NELL1: variants seen among roughly 807,000 people sequenced by gnomAD.
NELL1 encodes protein kinase C-binding protein NELL1.
In NELL1, 76 loss-of-function variants were observed where a neutral mutation model predicts 107.4. That is an observed-to-expected ratio of 0.71 (90% confidence interval 0.59 to 0.86). NELL1 has a LOEUF of 0.86. Among genes scored for constraint, NELL1 ranks in the 40% least tolerant of loss-of-function variants. The pLI is 0.00. For synonymous variants in NELL1, 353 were observed against 341.2 expected (o/e 1.03, Z -0.38); for missense variants, 1,024 against 1,005.5 (o/e 1.02, Z -0.25).
At chr11:21,371,615 G>A (rs773282302) in intron 15 of NELL1, among the ~76,000 whole-genome samples, 2 of 152,076 alleles carry the variant, frequency 1.3e-5, no homozygotes, top group Non-Finnish European at 2.9e-5. Context: ...GCCAATGTAT[G>A]TGTCAGTGCA....
intron 12 of NELL1, among the ~76,000 whole-genome samples, chr11:21,006,685 A>G (rs1852334259): frequency 6.6e-6 from 1 of 151,982 alleles, no homozygotes; most frequent in African/African-American, 2.4e-5. Flanking sequence ...CTGAAGAGGG[A>G]TAAGACCCCC....
intron 15 of NELL1, among the ~76,000 whole-genome samples, chr11:21,390,316 C>G (rs983628939): frequency 6.6e-6 from 1 of 150,958 alleles, no homozygotes; most frequent in Non-Finnish European, 1.5e-5. Flanking sequence ...CTCCTTGCTC[C>G]TATTCTATTC....
intron 14 of NELL1, among the ~76,000 whole-genome samples, chr11:21,340,980 T>C (rs1053220606): frequency 1.3e-5 from 2 of 152,294 alleles, no homozygotes; most frequent in Admixed American, 6.5e-5. Context: ...CTTGCTGTCA[T>C]TGGATTGTGA....
chr11:21,382,949 C>A (rs116778883), intron 15 of NELL1, among the ~76,000 whole-genome samples: 1 of 151,908 alleles, frequency 6.6e-6, no homozygotes, highest in African/African-American at 2.4e-5. Flanking sequence ...GGAAGAAAAT[C>A]TAGCTTTCTG....
chr11:20,685,316 TA>T (rs1462257294), intron 2 of NELL1, among the ~76,000 whole-genome samples: 2 of 152,034 alleles, frequency 1.3e-5, no homozygotes, highest in Admixed American at 6.6e-5. Flanking sequence ...AAATCTAAAT[TA>T]AAATTAATTA....
intron 12 of NELL1, among the ~76,000 whole-genome samples, chr11:21,043,931 G>C (rs1174512038): frequency 6.6e-6 from 1 of 152,112 alleles, no homozygotes; most frequent in Non-Finnish European, 1.5e-5. Context: ...TCAGATATCT[G>C]TGAAATACAT....
chr11:21,290,708 T>A (rs11827960), intron 14 of NELL1, among the ~76,000 whole-genome samples: 4,516 of 152,294 alleles, frequency 0.03, 235 homozygotes, highest in African/African-American at 0.1. Context: ...AAACAGGGTC[T>A]GGAGTGGACC....
chr11:21,436,646 T>G lies in NELL1; in HGVS notation c.1645+65698T>G, dbSNP rs534745021. On this transcript the variant is annotated intron_variant, in intron 15 of 19. Coordinates refer to ENST00000357134, the MANE Select transcript of NELL1 (RefSeq NM_006157.5). ...GTATCTATTTAGTTTATTTCTGCTC[T>G]GATATTCATTATTTTTCCTCTACCT... 4.2e-4 allele frequency among the ~76,000 whole-genome samples: 64 copies of G among 152,266 alleles called. 1 individual carries two copies. The highest frequency in any genetic ancestry group is 3.4e-3 in the Middle Eastern group (1 of 294).
At chr11:20,686,374 T>C (rs1162993416) in intron 2 of NELL1, among the ~76,000 whole-genome samples, 1 of 152,138 alleles carries the variant, frequency 6.6e-6, no homozygotes, top group Non-Finnish European at 1.5e-5. Context: ...AAGATTTTTA[T>C]TTTCTTCTTG....
chr11:21,113,358 T>C (rs986500158), intron 12 of NELL1, among the ~76,000 whole-genome samples: 5 of 152,040 alleles, frequency 3.3e-5, no homozygotes, highest in African/African-American at 1.2e-4. Context: ...TTCATACTTC[T>C]TGGGCTCTTA....
At chr11:20,748,204 T>C (rs1856046794) in intron 2 of NELL1, among the ~76,000 whole-genome samples, 1 of 152,098 alleles carries the variant, frequency 6.6e-6, no homozygotes, top group Non-Finnish European at 1.5e-5. Flanking sequence ...CTAAGAATCA[T>C]TAGGTGGTCT....
At chr11:20,734,320 A>T (rs1455777686) in intron 2 of NELL1, among the ~76,000 whole-genome samples, 1 of 152,110 alleles carries the variant, frequency 6.6e-6, no homozygotes, top group East Asian at 1.9e-4. Context: ...CAGTTGGAGG[A>T]TTTTGAGCAG....
intron 15 of NELL1, among the ~76,000 whole-genome samples, chr11:21,497,049 C>T (rs1228858845): frequency 6.6e-6 from 1 of 151,640 alleles, no homozygotes; most frequent in African/African-American, 2.4e-5. Context: ...TGGGTTGCTT[C>T]CAAGTCTTTG....
intron 15 of NELL1, among the ~76,000 whole-genome samples, chr11:21,482,331 T>C (rs1316236765): frequency 6.6e-6 from 1 of 152,118 alleles, no homozygotes; most frequent in Non-Finnish European, 1.5e-5. Context: ...ATCTGATTAG[T>C]TGTTCTTAAG....
chr11:20,875,690 C>T (rs547298254), intron 4 of NELL1, among the ~76,000 whole-genome samples: 1 of 152,166 alleles, frequency 6.6e-6, no homozygotes, highest in South Asian at 2.1e-4. Flanking sequence ...TTATTTGACC[C>T]TGGTACATAA....
At chr11:21,169,893 T>A in intron 13 of NELL1, 1 of 1,446,138 alleles carries the variant, frequency 6.9e-7, no homozygotes, top group Admixed American at 1.7e-5. Context: ...CTGGCAGATG[T>A]CCCCAGGTCG....
At chr11:21,291,101 G>A (rs1849248764) in intron 14 of NELL1, among the ~76,000 whole-genome samples, 2 of 152,144 alleles carry the variant, frequency 1.3e-5, no homozygotes, top group South Asian at 4.1e-4. Flanking sequence ...TTGAAAAATG[G>A]CTAGAGGAAT....
At chr11:21,259,461 A>G (rs1365800348) in intron 14 of NELL1, among the ~76,000 whole-genome samples, 1 of 151,870 alleles carries the variant, frequency 6.6e-6, no homozygotes, top group African/African-American at 2.4e-5. Context: ...ATGGAAATAC[A>G]ATTTTTCAGC....
chr11:21,093,083 G>A (rs1394290737), intron 12 of NELL1, among the ~76,000 whole-genome samples: 3 of 152,124 alleles, frequency 2.0e-5, no homozygotes, highest in Non-Finnish European at 2.9e-5. Context: ...GGGGTGGGAG[G>A]AGGAAAAGCC....
Sources: gnomAD v4.1 joint callset for allele counts (sites outside exome capture counted in the v4.1 genomes callset) on GRCh38, gnomAD v4.1.1 for gene constraint, MANE v1.5 for transcripts, NCBI Gene and HGNC (gene_info 2026-07-23, HGNC 2026-07-21) for gene names.